CPSF7: variants seen among roughly 807,000 people sequenced by gnomAD.
The protein encoded by CPSF7 is cleavage and polyadenylation specific factor 7.
A neutral mutation model predicts 44.3 loss-of-function variants in CPSF7; 1 was observed. The observed-to-expected ratio is 0.02, with a 90% CI of 0.01 to 0.11. The LOEUF (loss-of-function observed/expected upper bound fraction) is 0.11. Among genes scored for constraint, CPSF7 ranks in the 10% least tolerant of loss-of-function variants. The pLI is 1.00. For missense variants in CPSF7, 443 were observed against 607.2 expected (o/e 0.73, Z 2.84); for synonymous variants, 202 against 222.0 (o/e 0.91, Z 0.80).
chr11:61,411,987 T>C lies in CPSF7; in HGVS notation c.1058-50A>G, dbSNP rs1481167124. The C allele has an allele frequency of 2.0e-6, 3 of 1,533,268 alleles. No homozygotes were observed. In the East Asian group the frequency reaches 6.8e-5, roughly 35 times the overall value. 95.0% of individuals were successfully genotyped at this position (1,533,268 alleles called of 1,614,324 possible). A position where few individuals can be genotyped will look rare whatever the true frequency, so the allele number is the denominator to read the frequency against. ...CCAAGGGTGAGGAGAGATGGTAAAC[T>C]AACTGGACCAAAAGGAGAACTCAGG... On this transcript the variant is annotated intron_variant, in intron 7 of 9. Coordinates refer to ENST00000439958, the MANE Select transcript of CPSF7 (RefSeq NM_001142565.3).
intron 2 of CPSF7, among the ~76,000 whole-genome samples, chr11:61,424,041 G>C (rs528810119): frequency 6.6e-6 from 1 of 152,180 alleles, no homozygotes; most frequent in Non-Finnish European, 1.5e-5. Flanking sequence ...AGAATATCAA[G>C]AGACAGTAAA....
chr11:61,414,249 A>G (rs969607919), intron 7 of CPSF7, among the ~76,000 whole-genome samples: 4 of 149,704 alleles, frequency 2.7e-5, no homozygotes, highest in African/African-American at 4.9e-5. Flanking sequence ...CCCTGGGTTC[A>G]AGCAATTCTC....
intron 2 of CPSF7, among the ~76,000 whole-genome samples, chr11:61,422,197 C>T (rs1003220019): frequency 2.6e-5 from 4 of 151,928 alleles, no homozygotes; most frequent in Admixed American, 2.6e-4. Flanking sequence ...ATCTTTCCAT[C>T]GGAGAAAATA....
chr11:61,409,845 C>T (rs1428248849), intron 9 of CPSF7, among the ~76,000 whole-genome samples: 2 of 151,974 alleles, frequency 1.3e-5, no homozygotes, highest in Non-Finnish European at 2.9e-5. Context: ...TGGTGACGCG[C>T]GCCTGTAGCC....
At chr11:61,418,332 C>A (rs1378320635) in intron 5 of CPSF7, among the ~76,000 whole-genome samples, 1 of 152,126 alleles carries the variant, frequency 6.6e-6, no homozygotes, top group African/African-American at 2.4e-5. Flanking sequence ...GGGTGGTTGG[C>A]TGTCTCAGGG....
chr11:61,411,925 T>A lies in CPSF7; in HGVS notation c.1070A>T (p.Asp357Val), dbSNP rs974235697. 14 of 1,613,992 alleles carry A rather than the reference T, an allele frequency of 8.7e-6. No individual in the cohort carries two copies. Among genetic ancestry groups the A allele is most frequent in the Non-Finnish European group, 1.7e-6 (2 of 1,179,992 alleles). Residue 357 changes from aspartate to valine, a missense_variant, in exon 8 of 10, where the codon GAC (aspartate) becomes GTC (valine). Transcript: ENST00000439958. ...GGCTGTGAGCAGCGTCTCAATTGCG[T>A]CACTGTAATCCCCTGATAAAGGATG... ...VSGASAGDYS[D>V]AIETLLTAIA... is the part of the protein sequence containing the mutation.
In CPSF7 at chr11:61,410,973, G is replaced by T; in HGVS notation, c.1359C>A (p.His453Gln). The T allele has an allele frequency of 6.2e-7, 1 of 1,613,060 alleles. No individual in the cohort carries two copies. Among genetic ancestry groups the T allele is most frequent in the African/African-American group, 1.3e-5 (1 of 74,910 alleles). ...FQERNREHER[H>Q]RDRERDRHH ...GGTGCCGGTCCCGTTCTCTATCCCG[G>T]TGTCTCTCATGCTCCCGGTTCCTTT... The change falls in exon 9 of 10, where the codon CAC (histidine) becomes CAA (glutamine). Residue 453 changes from histidine (H) to glutamine (Q), a missense_variant. Transcript: ENST00000439958.
intron 7 of CPSF7, among the ~76,000 whole-genome samples, chr11:61,414,683 A>G (rs1860153681): frequency 6.6e-6 from 1 of 152,238 alleles, no homozygotes; most frequent in Non-Finnish European, 1.5e-5. Context: ...GGAAGTGAAT[A>G]TGGCTAATGT....
intron 6 of CPSF7, 107 bp from the exon 7 acceptor site, chr11:61,415,891 C>T (rs1860283398): frequency 1.1e-6 from 1 of 913,282 alleles, no homozygotes; most frequent in Non-Finnish European, 1.7e-6. Flanking sequence ...TGCTAGACAT[C>T]TGTAGCATTC....
At chr11:61,412,811 T>C (rs1438133592) in intron 7 of CPSF7, among the ~76,000 whole-genome samples, 3 of 152,238 alleles carry the variant, frequency 2.0e-5, no homozygotes, top group Non-Finnish European at 2.9e-5. Flanking sequence ...GTCCAGAATA[T>C]ACTAATTGAA....
intron 9 of CPSF7, among the ~76,000 whole-genome samples, chr11:61,404,990 G>A (rs1163470416): frequency 1.3e-5 from 2 of 152,160 alleles, no homozygotes; most frequent in African/African-American, 2.4e-5. Flanking sequence ...CTGAACGTTC[G>A]ACTGAAAAGG....
At chr11:61,426,601 T>C (rs570624355) in intron 2 of CPSF7, 5 of 152,316 alleles carry the variant, frequency 3.3e-5, no homozygotes, top group African/African-American at 9.6e-5. Flanking sequence ...GAACAAACTA[T>C]TGAGGCCAAT....
In CPSF7 at chr11:61,420,011, T is replaced by C. The variant is rs920565609; in HGVS notation, c.461A>G (p.Lys154Arg). 1.9e-6 allele frequency: 3 copies of C among 1,614,136 alleles called. No individual in the cohort carries two copies. Among genetic ancestry groups the C allele is most frequent in the Non-Finnish European group, 2.5e-6 (3 of 1,180,014 alleles). ...LLPGKVLNGEKVDVRPATRQN... is the reference protein window; with the variant it reads ...LLPGKVLNGERVDVRPATRQN... ...CCGGGTGGCCGGCCTCACGTCCACT[T>C]TTTCTCCATTAAGAACTTTCCCTGG... The change falls in exon 5 of 10, where the codon AAA becomes AGA. Residue 154 changes from lysine to arginine, a missense_variant. Lys to Arg is a conservative substitution (Grantham distance 26). Transcript: ENST00000439958.
intron 5 of CPSF7, among the ~76,000 whole-genome samples, chr11:61,417,164 A>G (rs1452033206): frequency 6.6e-6 from 1 of 152,200 alleles, no homozygotes; most frequent in Non-Finnish European, 1.5e-5. Context: ...AGATCCGCCC[A>G]CAGCACAAGC....
chr11:61,404,212 T>TA lies in CPSF7; in HGVS notation c.*497dup, dbSNP rs1470247221. On this transcript the variant is annotated 3_prime_UTR_variant, in exon 10 of 10. Transcript: ENST00000439958. ...GTAAAGGAGTTAAACAAAGAAGTGGTATGTTAGCAAGGGGTTTGGACCCTC... is the reference window on the plus strand; with the variant it reads ...GTAAAGGAGTTAAACAAAGAAGTGGTAATGTTAGCAAGGGGTTTGGACCCTC... 6.6e-6 allele frequency: 1 copy of TA among 152,610 alleles called. No homozygotes were observed. The highest frequency in any genetic ancestry group is 1.5e-5 in the Non-Finnish European group (1 of 68,056). The allele number at this position is 152,610 out of a possible 1,614,324, so 9.5% of individuals were successfully genotyped here.
In CPSF7 at chr11:61,429,960, G is replaced by A; in HGVS notation, c.-102C>T. 2.3e-6 allele frequency: 3 copies of A among 1,313,030 alleles called. No homozygotes were observed. Among genetic ancestry groups the A allele is most frequent in the South Asian group, 2.8e-5 (2 of 70,352 alleles). The allele number at this position is 1,313,030 out of a possible 1,614,324, so 81.3% of individuals were successfully genotyped here. A position where few individuals can be genotyped will look rare whatever the true frequency, so the allele number is the denominator to read the frequency against. ...GGCGAGTCCGGACTAGGCCCGAAGC[G>A]CGCGAACCGCTCTCCGCCCCAGGTC... On this transcript the variant is annotated 5_prime_UTR_variant, in exon 1 of 10. Transcript: ENST00000439958.
chr11:61,417,623 G>C (rs536967946), intron 5 of CPSF7, among the ~76,000 whole-genome samples: 2 of 152,232 alleles, frequency 1.3e-5, no homozygotes, highest in African/African-American at 4.8e-5. Flanking sequence ...CAACCACCTA[G>C]ATTTCTCTTA....
intron 9 of CPSF7, among the ~76,000 whole-genome samples, chr11:61,409,106 G>A (rs1186458982): frequency 1.3e-5 from 2 of 151,854 alleles, no homozygotes; most frequent in Non-Finnish European, 2.9e-5. Context: ...CCTCATGACA[G>A]TGCACTCCAG....
At chr11:61,412,294 ATT>A (rs1237731571) in intron 7 of CPSF7, among the ~76,000 whole-genome samples, 4 of 140,484 alleles carry the variant, frequency 2.8e-5, no homozygotes, top group Non-Finnish European at 1.6e-5. Flanking sequence ...ATTTTTTTTC[ATT>A]TTTTTTTTTT....
Sources: allele counts gnomAD v4.1 joint callset (sites outside exome capture counted in the v4.1 genomes callset), GRCh38; gene constraint gnomAD v4.1.1; transcripts MANE v1.5; gene names NCBI Gene and HGNC (gene_info 2026-07-23, HGNC 2026-07-21).